AMOTL1: variants seen among roughly 807,000 people sequenced by gnomAD.
The protein encoded by AMOTL1 is angiomotin-like protein 1.
AMOTL1 carries 45 observed loss-of-function variants against 102.9 expected under a neutral mutation model. The ratio of observed to expected loss-of-function variants is 0.44; its 90% confidence interval spans 0.34 to 0.56. The LOEUF (loss-of-function observed/expected upper bound fraction) is 0.56. Ranked by LOEUF, AMOTL1 falls within the 20% of genes least tolerant of loss-of-function variation. AMOTL1 has a pLI of 0.01. For synonymous variants in AMOTL1, 481 were observed against 484.7 expected, an observed-to-expected ratio of 0.99 and a Z score of 0.10; for missense variants, 1,114 against 1,225.6, an observed-to-expected ratio of 0.91 and a Z score of 1.36.
At chr11:94,718,982 T>G (rs183998888) in intron 1 of AMOTL1, among the ~76,000 whole-genome samples, 4 of 152,002 alleles carry the variant, frequency 2.6e-5, no homozygotes, top group African/African-American at 7.2e-5. Flanking sequence ...AATTATGTCC[T>G]CTAACATGCT....
At chr11:94,773,453 T>C (rs1950982125) in intron 1 of AMOTL1, among the ~76,000 whole-genome samples, 1 of 152,230 alleles carries the variant, frequency 6.6e-6, no homozygotes, top group Non-Finnish European at 1.5e-5. Flanking sequence ...TATGCACAGA[T>C]GGACTATCAG....
At chr11:94,707,442 A>T (rs1431629866) in intron 1 of AMOTL1, among the ~76,000 whole-genome samples, 1 of 151,612 alleles carries the variant, frequency 6.6e-6, no homozygotes, top group Non-Finnish European at 1.5e-5. Flanking sequence ...CTACAGGATG[A>T]TAAACGGCTT....
At chr11:94,785,017 G>A (rs1439670729) in intron 1 of AMOTL1, among the ~76,000 whole-genome samples, 1 of 152,120 alleles carries the variant, frequency 6.6e-6, no homozygotes, top group Non-Finnish European at 1.5e-5. Context: ...CCAGATGGAA[G>A]TGATGAGGAA....
intron 5 of AMOTL1, 131 bp from the exon 6 acceptor site, chr11:94,831,321 A>C (rs1315223373): frequency 1.6e-6 from 1 of 625,258 alleles, no homozygotes; most frequent in Non-Finnish European, 2.8e-6. Context: ...TCTGTCCCCA[A>C]GTTGTTCAGT....
rs1444041507 is a variant in AMOTL1, at chr11:94,870,781, G to A, written c.2857G>A (p.Glu953Lys). The stretch of plus-strand genomic sequence containing the variant: ...CGAGTTCCCTGATGGAGAGATGATG[G>A]AAGTCCTCATCTAACTGCCATCCCT... ...KPEFPDGEMM[E>K]VLI The change falls in exon 13 of 13, where the codon GAA becomes AAA. Residue 953 changes from glutamate to lysine, a missense_variant. Coordinates refer to ENST00000433060, the MANE Select transcript of AMOTL1 (RefSeq NM_130847.3). The A allele has an allele frequency of 4.4e-6, 7 of 1,597,286 alleles. No individual in the cohort carries two copies. Among genetic ancestry groups the A allele is most frequent in the Non-Finnish European group, 6.0e-6 (7 of 1,170,442 alleles).
At chr11:94,718,086 C>T (rs1950122454) in intron 1 of AMOTL1, among the ~76,000 whole-genome samples, 1 of 151,896 alleles carries the variant, frequency 6.6e-6, no homozygotes, top group South Asian at 2.1e-4. Context: ...ATCTCACTCC[C>T]TTCCCTAGAA....
chr11:94,863,954 G>A (rs1011590992), intron 9 of AMOTL1, among the ~76,000 whole-genome samples: 1 of 152,094 alleles, frequency 6.6e-6, no homozygotes, highest in Non-Finnish European at 1.5e-5. Context: ...TCTTCTTTCT[G>A]TCCTGGACCC....
chr11:94,760,625 T>C (rs1950780407), intron 3 of AMOTL1, among the ~76,000 whole-genome samples: 1 of 152,222 alleles, frequency 6.6e-6, no homozygotes, highest in Non-Finnish European at 1.5e-5. Context: ...GGCTTCCCCT[T>C]TCATCCTCTC....
At chr11:94,755,810 T>TA (rs1435766896) in intron 3 of AMOTL1, among the ~76,000 whole-genome samples, 1 of 152,174 alleles carries the variant, frequency 6.6e-6, no homozygotes, top group African/African-American at 2.4e-5. Flanking sequence ...GGGTGTGTGT[T>TA]ACAGTGTGCT....
At chr11:94,736,330 C>A (rs528936179) in intron 2 of AMOTL1, among the ~76,000 whole-genome samples, 1 of 152,352 alleles carries the variant, frequency 6.6e-6, no homozygotes, top group African/African-American at 2.4e-5. Context: ...CTGCTCACTG[C>A]AACCTCTGCC....
intron 1 of AMOTL1, among the ~76,000 whole-genome samples, chr11:94,721,308 T>A (rs140657446): frequency 6.6e-6 from 1 of 152,122 alleles, no homozygotes; most frequent in African/African-American, 2.4e-5. Context: ...TTATTCTGAT[T>A]GTGTGTTAAA....
chr11:94,825,720 G>A (rs569226821), intron 4 of AMOTL1, among the ~76,000 whole-genome samples: 34 of 152,242 alleles, frequency 2.2e-4, no homozygotes, highest in African/African-American at 7.7e-4. Context: ...AATATCAGAG[G>A]GTGCTTAAGA....
intron 2 of AMOTL1, among the ~76,000 whole-genome samples, chr11:94,733,783 T>C (rs1008201688): frequency 6.6e-6 from 1 of 152,252 alleles, no homozygotes; most frequent in African/African-American, 2.4e-5. Flanking sequence ...TTTCACTCAA[T>C]AGATCTGAGT....
At chr11:94,732,091 C>G (rs1425402024) in intron 2 of AMOTL1, among the ~76,000 whole-genome samples, 1 of 152,228 alleles carries the variant, frequency 6.6e-6, no homozygotes, top group East Asian at 1.9e-4. Context: ...TACCTCACCT[C>G]TCCCCACCAC....
intron 2 of AMOTL1, among the ~76,000 whole-genome samples, chr11:94,739,320 T>C (rs1950484585): frequency 6.6e-6 from 1 of 152,132 alleles, no homozygotes; most frequent in South Asian, 2.1e-4. Flanking sequence ...CATATTTAAT[T>C]CCTGGATTTG....
At position 94,864,839 on chromosome 11, in the gene AMOTL1, G is replaced by A; in HGVS notation, c.2240G>A (p.Arg747Lys). The A allele has an allele frequency of 1.2e-6, 2 of 1,613,692 alleles. No homozygotes were observed. The highest frequency in any genetic ancestry group is 1.7e-6 in the Non-Finnish European group (2 of 1,179,710). ...GAGGAGGTGGTGCAGGCCAACAGAA[G>A]GTGTCAGGACATGGAATACACGTAA... ...EEEEVVQANR[R>K]CQDMEYTIKN... Residue 747 changes from arginine to lysine, a missense_variant, in exon 10 of 13, where the codon AGG becomes AAG. Physicochemically the swap from Arg to Lys is conservative, Grantham distance 26. Coordinates refer to ENST00000433060, the MANE Select transcript of AMOTL1 (RefSeq NM_130847.3).
At chr11:94,833,185 G>T (rs988733277) in intron 6 of AMOTL1, among the ~76,000 whole-genome samples, 1 of 152,198 alleles carries the variant, frequency 6.6e-6, no homozygotes, top group Non-Finnish European at 1.5e-5. Context: ...GGATCTCAGT[G>T]TCGATATGTA....
At chr11:94,752,767 A>T (rs1950672878) in intron 3 of AMOTL1, among the ~76,000 whole-genome samples, 1 of 152,204 alleles carries the variant, frequency 6.6e-6, no homozygotes, top group Non-Finnish European at 1.5e-5. Context: ...TAGGTTCTTA[A>T]GAAAACACAG....
intron 1 of AMOTL1, among the ~76,000 whole-genome samples, chr11:94,719,063 A>C (rs1591888048): frequency 6.6e-6 from 1 of 152,176 alleles, no homozygotes; most frequent in East Asian, 1.9e-4. Flanking sequence ...ATCCACTTAA[A>C]AAAATGAATA....
Sources: gnomAD v4.1 joint callset for allele counts (sites outside exome capture counted in the v4.1 genomes callset) on GRCh38, gnomAD v4.1.1 for gene constraint, MANE v1.5 for transcripts, NCBI Gene and HGNC (gene_info 2026-07-23, HGNC 2026-07-21) for gene names.